DCAF1: variants seen among roughly 807,000 people sequenced by gnomAD.
DCAF1 encodes the protein DDB1- and CUL4-associated factor 1.
A neutral mutation model predicts 128.0 loss-of-function variants in DCAF1; 15 were observed. The ratio of observed to expected loss-of-function variants is 0.12; its 90% CI spans 0.08 to 0.18. The LOEUF is 0.18. DCAF1 is among the 10% of genes least tolerant of loss of function. DCAF1 has a pLI of 1.00. For missense variants in DCAF1, 988 were observed against 1,649.5 expected (o/e 0.60, Z 6.95); for synonymous variants, 610 against 603.0 (o/e 1.01, Z -0.17).
intron 3 of DCAF1, among the ~76,000 whole-genome samples, chr3:51,473,728 G>A (rs1226956981): frequency 1.3e-5 from 2 of 151,560 alleles, no homozygotes; most frequent in African/African-American, 2.4e-5. Context: ...GGCTGACCTC[G>A]AACTCCTGGG....
At position 51,418,774 on chromosome 3, in the gene DCAF1, G is replaced by A. The variant is rs1553631414; in HGVS notation, c.3339C>T (p.Cys1113=). 2 of 1,614,006 alleles carry A rather than the reference G, an allele frequency of 1.2e-6. No homozygotes were observed. The highest frequency in any genetic ancestry group is 1.3e-5 in the African/African-American group (1 of 75,028). ...ARERFLMLGT[C]TGQLKLYNVF... ...CATTATAGAGCTTCAGCTGCCCTGTGCAGGTGCCAAGCATCAGGAACCGCT... is the reference window on the plus strand; with the variant it reads ...CATTATAGAGCTTCAGCTGCCCTGTACAGGTGCCAAGCATCAGGAACCGCT... The change falls in exon 16 of 25, where the codon TGC becomes TGT. Residue 1113 remains cysteine, a synonymous_variant. Coordinates refer to ENST00000684031, the MANE Select transcript of DCAF1 (RefSeq NM_001387579.1).
At chr3:51,500,054 C>G (rs34176570), upstream of DCAF1, 1 of 144,588 alleles carries the variant, frequency 6.9e-6, no homozygotes. Context: ...CGCGCGCGCT[C>G]GCGCCTACTT....
At chr3:51,435,288 AGCAATAT>A (rs1405873063) in intron 9 of DCAF1, among the ~76,000 whole-genome samples, 137 of 152,286 alleles carry the variant, frequency 9.0e-4, no homozygotes, top group African/African-American at 3.1e-3. Context: ...TGCAACTGAA[AGCAATAT>A]CCTTGGGCCA....
At chr3:51,481,490 A>C (rs1553652855) in intron 3 of DCAF1, among the ~76,000 whole-genome samples, 1 of 150,780 alleles carries the variant, frequency 6.6e-6, no homozygotes, top group Non-Finnish European at 1.5e-5. Flanking sequence ...TCAGGAGTTC[A>C]AGACCAGCCT....
chr3:51,420,168 C>G lies in DCAF1; in HGVS notation c.2802G>C (p.Arg934=). ...GCAGAGCTAGCGGACCCTGGGGGGG[C>G]CGTGGCTGAGGATGAGCAGTAGGGG... ...PSAPTAHPQP[R]PPQGPLALPG... Residue 934 remains arginine (R), a synonymous_variant, in exon 15 of 25, where the codon CGG becomes CGC. Coordinates refer to ENST00000684031, the MANE Select transcript of DCAF1 (RefSeq NM_001387579.1). The surrounding 1 kb of genome is among the most constrained non-coding windows in gnomAD (Gnocchi z 6.5). 1 of 1,613,912 alleles carries G rather than the reference C, an allele frequency of 6.2e-7. No individual in the cohort carries two copies. The highest frequency in any genetic ancestry group is 2.2e-5 in the East Asian group (1 of 44,884).
At chr3:51,439,954 T>C (rs1332257168) in intron 9 of DCAF1, among the ~76,000 whole-genome samples, 3 of 151,916 alleles carry the variant, frequency 2.0e-5, no homozygotes, top group East Asian at 1.9e-4. Context: ...ATCACACCAC[T>C]GCACTCCAGC....
chr3:51,445,730 A>G (rs2107747540), intron 6 of DCAF1, among the ~76,000 whole-genome samples: 1 of 152,316 alleles, frequency 6.6e-6, no homozygotes, highest in Middle Eastern at 3.4e-3. Context: ...ACTTTACTAG[A>G]TGAGGCCAAA....
chr3:51,410,816 C>G (rs1553628225), intron 23 of DCAF1, among the ~76,000 whole-genome samples: 1 of 152,212 alleles, frequency 6.6e-6, no homozygotes, highest in African/African-American at 2.4e-5. Flanking sequence ...TTCCCCGGTC[C>G]TGTGATGCCA....
chr3:51,446,369 T>TAAAA (rs1701854461), intron 6 of DCAF1, among the ~76,000 whole-genome samples: 1 of 152,160 alleles, frequency 6.6e-6, no homozygotes, highest in Non-Finnish European at 1.5e-5. Flanking sequence ...TCCTAATGCT[T>TAAAA]TGGGAGACCA....
At chr3:51,500,864 T>G (rs1463657993), upstream of DCAF1, among the ~76,000 whole-genome samples, 2 of 145,454 alleles carry the variant, frequency 1.4e-5, no homozygotes, top group Non-Finnish European at 3.0e-5. Context: ...CACGCTGGAG[T>G]GCAGTGGCGC....
chr3:51,479,782 C>A (rs1408152041), intron 3 of DCAF1, among the ~76,000 whole-genome samples: 1 of 151,830 alleles, frequency 6.6e-6, no homozygotes, highest in African/African-American at 2.4e-5. Context: ...GGCAACAGAG[C>A]GAGACTCCGT....
intron 2 of DCAF1, 56 bp from the exon 3 acceptor site, chr3:51,483,892 TA>T (rs1251823126): frequency 3.2e-6 from 4 of 1,255,366 alleles, no homozygotes; most frequent in African/African-American, 1.5e-5. Context: ...CACAAGCAAA[TA>T]AAAGTGAAGA....
chr3:51,483,237 G>A (rs191070771), intron 3 of DCAF1, among the ~76,000 whole-genome samples: 14 of 144,258 alleles, frequency 9.7e-5, no homozygotes, highest in East Asian at 4.2e-4. Context: ...TAAGGAGTTC[G>A]AGACCAGCCT....
At chr3:51,473,258 A>G (rs1300807673) in intron 3 of DCAF1, among the ~76,000 whole-genome samples, 2 of 148,412 alleles carry the variant, frequency 1.3e-5, no homozygotes, top group Non-Finnish European at 3.0e-5. Flanking sequence ...GCAAAACTCT[A>G]TCTCAAAAAA....
rs782158205 is a variant in DCAF1, at chr3:51,420,593, G to C, written c.2377C>G (p.Pro793Ala). 6.2e-7 allele frequency: 1 copy of C among 1,613,920 alleles called. No homozygotes were observed. The highest frequency in any genetic ancestry group is 2.2e-5 in the East Asian group (1 of 44,884). Reference sequence around the variant, plus strand: ...TCACTGCGCTTGTCCTGCAGCACAGGCTCCTTCATCAGCTGCTGGATCTGG... The same window carrying C: ...TCACTGCGCTTGTCCTGCAGCACAGCCTCCTTCATCAGCTGCTGGATCTGG... ...SCQIQQLMKE[P>A]VLQDKRSDHV... The change falls in exon 15 of 25, where the codon CCT (proline) becomes GCT (alanine). Residue 793 changes from proline (P) to alanine (A), a missense_variant. Physicochemically the swap from Pro to Ala is conservative, Grantham distance 27. Transcript: ENST00000684031. The surrounding 1 kb of genome is among the most constrained non-coding windows in gnomAD (Gnocchi z 6.5).
intron 3 of DCAF1, among the ~76,000 whole-genome samples, chr3:51,473,230 C>A (rs1704974925): frequency 6.7e-6 from 1 of 149,626 alleles, no homozygotes; most frequent in African/African-American, 2.4e-5. Flanking sequence ...CCATTGCACT[C>A]CAGCTTGGGA....
At chr3:51,473,490 C>CAAAAAAAAAAAAAA (rs113483060) in intron 3 of DCAF1, among the ~76,000 whole-genome samples, 1 of 22,826 alleles carries the variant, frequency 4.4e-5, no homozygotes, top group Non-Finnish European at 9.0e-5. Flanking sequence ...GACTCCATCT[C>CAAAAAAAAAAAAAA]AAAAAAAAAA....
chr3:51,476,595 A>AG, intron 3 of DCAF1, among the ~76,000 whole-genome samples: 1 of 117,612 alleles, frequency 8.5e-6, no homozygotes, highest in Non-Finnish European at 1.8e-5. Flanking sequence ...AAAAAAAAAA[A>AG]GGCCAGGCGT....
intron 2 of DCAF1, among the ~76,000 whole-genome samples, 39 bp downstream of exon 2, chr3:51,496,695 A>C (rs546373834): frequency 7.5e-4 from 114 of 152,174 alleles, no homozygotes; most frequent in Non-Finnish European, 1.2e-3. Flanking sequence ...AGGTAGAAAA[A>C]AGGTTTCAAG....
Sources: gnomAD v4.1 joint callset for allele counts (sites outside exome capture counted in the v4.1 genomes callset) on GRCh38, gnomAD v4.1.1 for gene constraint, Gnocchi (gnomAD v3.1) non-coding constraint, MANE v1.5 for transcripts, NCBI Gene and HGNC (gene_info 2026-07-23, HGNC 2026-07-21) for gene names.